The following ST3GAL5 variants were observed in gnomAD, a reference collection of about 807,000 sequenced individuals.
ST3GAL5 encodes the protein lactosylceramide alpha-2,3-sialyltransferase.
A neutral mutation model predicts 46.1 loss-of-function variants in ST3GAL5; 25 were observed. That is an observed-to-expected ratio of 0.54 (90% CI 0.40 to 0.76). The LOEUF is 0.76. ST3GAL5 is among the 30% of genes least tolerant of loss of function. The probability of loss-of-function intolerance (pLI) is 0.00; values close to 1 mark genes in which losing one functional copy is unlikely to be tolerated. For synonymous variants in ST3GAL5, 182 were observed against 192.7 expected (o/e 0.94, Z 0.46); for missense variants, 431 against 521.2 (o/e 0.83, Z 1.69).
intron 1 of ST3GAL5, chr2:85,868,208 T>C (rs1249361896): frequency 6.5e-6 from 1 of 154,142 alleles, no homozygotes; most frequent in Non-Finnish European, 1.4e-5. Flanking sequence ...GGTGAAAAGG[T>C]GGCAGTTGAA....
At chr2:85,883,029 G>A (rs1459444870) in intron 1 of ST3GAL5, among the ~76,000 whole-genome samples, 2 of 152,108 alleles carry the variant, frequency 1.3e-5, no homozygotes, top group African/African-American at 4.8e-5. Context: ...ACTTTGGTCG[G>A]TGGACTTTTG....
chr2:85,840,621 G>A (rs938298450), intron 6 of ST3GAL5: 18 of 569,184 alleles, frequency 3.2e-5, no homozygotes, highest in Non-Finnish European at 4.7e-5. Flanking sequence ...TCAAGGGGCA[G>A]CCTGACAATT....
intron 3 of ST3GAL5, 83 bp from the exon 4 acceptor site, chr2:85,848,287 G>A: frequency 6.2e-7 from 1 of 1,612,070 alleles, no homozygotes; most frequent in Non-Finnish European, 8.5e-7. Flanking sequence ...TTTGTCCTAT[G>A]ATGTCTGATG....
intron 3 of ST3GAL5, among the ~76,000 whole-genome samples, chr2:85,859,613 T>C (rs558857713): frequency 6.6e-6 from 1 of 152,322 alleles, no homozygotes; most frequent in South Asian, 2.1e-4. Context: ...ACCCTGAGAC[T>C]CAATAGTTTT....
rs1428483498 is a variant in ST3GAL5, at chr2:85,839,643, C to T, written c.*501G>A. 9.1e-6 allele frequency: 2 copies of T among 218,970 alleles called. No homozygotes were observed. Among genetic ancestry groups the T allele is most frequent in the African/African-American group, 2.3e-5 (1 of 42,710 alleles). The allele number at this position is 218,970 out of a possible 1,614,324, so 13.6% of individuals were successfully genotyped here. ...CCTTCTCCAACCAGCCCAGGCCTCA[C>T]GCCGCTGCATCGCAGACCCAGTATC... On this transcript the variant is annotated 3_prime_UTR_variant, in exon 7 of 7. Transcript: ENST00000638572.
chr2:85,873,995 T>C (rs895468632), intron 1 of ST3GAL5, among the ~76,000 whole-genome samples: 1 of 152,204 alleles, frequency 6.6e-6, no homozygotes, highest in Admixed American at 6.5e-5. Context: ...GCCGTGTAAT[T>C]AACAACAGAT....
rs748576896 is a variant in ST3GAL5, at chr2:85,840,564, G to A, written c.1009-172C>T. 4 of 723,266 alleles carry A rather than the reference G, an allele frequency of 5.5e-6. No individual in the cohort carries two copies. In the South Asian group the frequency reaches 6.4e-5, roughly 12 times the overall value. The allele number at this position is 723,266 out of a possible 1,614,324, so 44.8% of individuals were successfully genotyped here. A position where few individuals can be genotyped will look rare whatever the true frequency, so the allele number is the denominator to read the frequency against. On this transcript the variant is annotated intron_variant, in intron 6 of 6. Coordinates refer to ENST00000638572, the MANE Select transcript of ST3GAL5 (RefSeq NM_003896.4). ...CTTTAGAGTCCAACTCTCCATTTAA[G>A]TCAGGAATCTAGGCTCTAAAACATG...
chr2:85,857,321 G>C (rs575472782), intron 3 of ST3GAL5, among the ~76,000 whole-genome samples: 1 of 151,844 alleles, frequency 6.6e-6, no homozygotes, highest in Non-Finnish European at 1.5e-5. Context: ...TGGATCACCC[G>C]AGGTCAGGGG....
At chr2:85,840,802 G>C (rs1272947282) in intron 6 of ST3GAL5, among the ~76,000 whole-genome samples, 2 of 151,702 alleles carry the variant, frequency 1.3e-5, no homozygotes, top group African/African-American at 2.4e-5. Context: ...AATTTAGCCA[G>C]GTGTGGTGGC....
chr2:85,854,631 T>A (rs1291640565), intron 3 of ST3GAL5: 4 of 152,228 alleles, frequency 2.6e-5, no homozygotes, highest in Non-Finnish European at 5.9e-5. Context: ...ATAACCGGAT[T>A]TTCTGTACAA....
intron 1 of ST3GAL5, among the ~76,000 whole-genome samples, chr2:85,872,386 C>T (rs1298433075): frequency 6.6e-6 from 1 of 152,078 alleles, no homozygotes; most frequent in African/African-American, 2.4e-5. Flanking sequence ...AGTTCGAGAT[C>T]AGCCTGGCCA....
At chr2:85,847,086 G>A (rs575732920) in intron 4 of ST3GAL5, among the ~76,000 whole-genome samples, 7 of 152,192 alleles carry the variant, frequency 4.6e-5, no homozygotes, top group Non-Finnish European at 8.8e-5. Flanking sequence ...GAGCCACTGC[G>A]CCTGGCCAGA....
Position 85,848,258 on chromosome 2 carries a change from A to T in ST3GAL5, c.319-54T>A, listed in dbSNP as rs1055331435. On this transcript the variant is annotated intron_variant, in intron 3 of 6. Coordinates refer to ENST00000638572, the MANE Select transcript of ST3GAL5 (RefSeq NM_003896.4). ...TTAAAAACTCTCCTGCATTAAAAAT[A>T]TACTCTTCTAGATGACAATTTGTCC... 23 of 1,612,922 alleles carry T rather than the reference A, an allele frequency of 1.4e-5. No homozygotes were observed. In the Admixed American group the frequency reaches 3.0e-4, roughly 21 times the overall value.
At chr2:85,888,031 C>G (rs1191287892) in intron 1 of ST3GAL5, 1 of 152,214 alleles carries the variant, frequency 6.6e-6, no homozygotes, top group Non-Finnish European at 1.5e-5. Flanking sequence ...ATCCTCTACC[C>G]TCGTAAACGT....
chr2:85,883,979 C>T (rs1687480925), intron 1 of ST3GAL5, among the ~76,000 whole-genome samples: 1 of 152,164 alleles, frequency 6.6e-6, no homozygotes, highest in Non-Finnish European at 1.5e-5. Context: ...TCGCCAATTT[C>T]ACCAGTAGCT....
intron 3 of ST3GAL5, chr2:85,851,200 C>A: frequency 9.8e-7 from 1 of 1,020,048 alleles, no homozygotes; most frequent in Non-Finnish European, 1.2e-6. Context: ...TAGATGTGAG[C>A]CACCACGCCC....
chr2:85,844,394 A>G lies in ST3GAL5; in HGVS notation c.1008+2T>C. ...ATTAACTTTGAGTAGCAACAAAAAT[A>G]CCTTATCTCGGCCCCAGAACCTTGA... On this transcript the variant is annotated splice_donor_variant, in intron 6 of 6. Transcript: ENST00000638572. LOFTEE classifies it high-confidence loss of function. 1 of 1,614,200 alleles carries G rather than the reference A, an allele frequency of 6.2e-7. No individual in the cohort carries two copies. Among genetic ancestry groups the G allele is most frequent in the Non-Finnish European group, 8.5e-7 (1 of 1,180,036 alleles).
intron 1 of ST3GAL5, chr2:85,870,062 C>A: frequency 2.6e-6 from 1 of 386,248 alleles, no homozygotes; most frequent in South Asian, 2.0e-5. Context: ...TACAGACATG[C>A]CCTACTTACC....
intron 1 of ST3GAL5, among the ~76,000 whole-genome samples, chr2:85,873,970 C>T (rs1686241824): frequency 1.3e-5 from 2 of 152,186 alleles, no homozygotes; most frequent in Admixed American, 1.3e-4. Flanking sequence ...GCAAGTTTCT[C>T]ACAGCTGGAG....
Sources: gnomAD v4.1 joint callset for allele counts (sites outside exome capture counted in the v4.1 genomes callset) on GRCh38, gnomAD v4.1.1 for gene constraint, MANE v1.5 for transcripts, NCBI Gene and HGNC (gene_info 2026-07-23, HGNC 2026-07-21) for gene names.